Variants in TF observed in about 807,000 individuals in gnomAD.
The protein encoded by TF is transferrin, also known as serotransferrin.
In TF, 55 loss-of-function variants were observed where a neutral mutation model predicts 82.4. The observed-to-expected ratio is 0.67, with a 90% CI of 0.54 to 0.84. The LOEUF is 0.84. TF is among the 40% of genes least tolerant of loss of function. The pLI is 0.00. For synonymous variants in TF, 332 were observed against 332.6 expected (o/e 1.00, Z 0.02); for missense variants, 737 against 868.4 (o/e 0.85, Z 1.90).
At chr3:133,682,166 A>G in the TF span, among the ~76,000 whole-genome samples, 90 of 152,300 alleles carry the variant, frequency 5.9e-4, no homozygotes, top group Non-Finnish European at 1.6e-4. Flanking sequence ...AAATTACCAA[A>G]CAGAAAAGAC....
At chr3:133,745,525 A>AT (rs1490911443), upstream of TF, among the ~76,000 whole-genome samples, 2 of 152,168 alleles carry the variant, frequency 1.3e-5, no homozygotes, top group Non-Finnish European at 2.9e-5. Context: ...CAAGTTCAAT[A>AT]TTTTTCATGA....
At chr3:133,730,740 C>T in the TF span, among the ~76,000 whole-genome samples, 5 of 150,660 alleles carry the variant, frequency 3.3e-5, no homozygotes, top group Admixed American at 2.0e-4. Flanking sequence ...TAGTAACACA[C>T]ACACAAGCAT....
At chr3:133,705,975 G>A in the TF span, among the ~76,000 whole-genome samples, 2 of 152,176 alleles carry the variant, frequency 1.3e-5, no homozygotes, top group African/African-American at 4.8e-5. Flanking sequence ...CACTATTCCT[G>A]TTCCCTCTTC....
At chr3:133,710,458 G>T in the TF span, among the ~76,000 whole-genome samples, 7 of 152,062 alleles carry the variant, frequency 4.6e-5, no homozygotes, top group Non-Finnish European at 1.0e-4. Flanking sequence ...CACATTTCCC[G>T]GTGATTCTCC....
In TF at chr3:133,784,837, C is replaced by A. The variant is rs910182384; in HGVS notation, c.*6217C>A. 4 of 152,332 alleles carry A rather than the reference C, an allele frequency of 2.6e-5. No individual in the cohort carries two copies. Among genetic ancestry groups the A allele is most frequent in the African/African-American group, 9.6e-5 (4 of 41,460 alleles). The allele number at this position is 152,332 out of a possible 1,614,324, so 9.4% of individuals were successfully genotyped here. ...GAAGGAAGAGAGGACAGTTCTGTGC[C>A]ACACTGGTCATATTTAGAAGACATT... is the stretch of plus-strand genomic sequence containing the variant. On this transcript the variant is annotated 3_prime_UTR_variant, in exon 17 of 17. Coordinates refer to ENST00000402696, the MANE Select transcript of TF (RefSeq NM_001063.4).
At chr3:133,728,313 G>T in the TF span, among the ~76,000 whole-genome samples, 2 of 152,096 alleles carry the variant, frequency 1.3e-5, no homozygotes, top group Non-Finnish European at 2.9e-5. Flanking sequence ...GATTTGGTCT[G>T]TTCACATAGT....
the TF span, among the ~76,000 whole-genome samples, chr3:133,730,508 C>G: frequency 6.6e-6 from 1 of 152,168 alleles, no homozygotes; most frequent in African/African-American, 2.4e-5. Context: ...ACCTTGCAGT[C>G]CTAAGTGGCA....
intron 10 of TF, among the ~76,000 whole-genome samples, 176 bp from the exon 11 acceptor site, chr3:133,764,699 A>G (rs1934081477): frequency 6.6e-6 from 1 of 152,224 alleles, no homozygotes; most frequent in Admixed American, 6.5e-5. Context: ...TCTAGAGGCC[A>G]GGAGGTGAAA....
At chr3:133,748,371 A>C (rs1933564554) in intron 1 of TF, 41 bp from the exon 2 acceptor site, 1 of 1,612,060 alleles carries the variant, frequency 6.2e-7, no homozygotes, top group East Asian at 2.2e-5. Flanking sequence ...CTCCCTCAGC[A>C]TAGGGAGTGG....
the TF span, among the ~76,000 whole-genome samples, chr3:133,738,697 T>C: frequency 6.6e-6 from 1 of 152,106 alleles, no homozygotes; most frequent in South Asian, 2.1e-4. Flanking sequence ...AAATCATGAG[T>C]GGACTCCCAT....
chr3:133,746,554 G>A, intron 1 of TF, 71 bp downstream of exon 1: 3 of 1,513,286 alleles, frequency 2.0e-6, no homozygotes, highest in Non-Finnish European at 2.7e-6. Context: ...GGCGGCCACC[G>A]CGCAGCCTGC....
the TF span, among the ~76,000 whole-genome samples, chr3:133,722,995 C>T: frequency 3.1e-3 from 468 of 152,212 alleles, 1 homozygote; most frequent in African/African-American, 0.011. Context: ...TTTTGCTTGT[C>T]TGTGAAGGAC....
chr3:133,746,576 G>A, intron 1 of TF, 93 bp downstream of exon 1: 2 of 1,409,086 alleles, frequency 1.4e-6, no homozygotes, highest in African/African-American at 1.4e-5. Flanking sequence ...TGCACTCCGC[G>A]CTCAGGCTGG....
rs1934560558 is a variant in TF, at chr3:133,783,205, G to A, written c.*4585G>A. On this transcript the variant is annotated 3_prime_UTR_variant, in exon 17 of 17. Coordinates refer to ENST00000402696, the MANE Select transcript of TF (RefSeq NM_001063.4). ...GTATACCTTAAATATATTCAACGAA[G>A]CTTATTTTAAAAAATGAAATGTATA... 6.6e-6 allele frequency: 1 copy of A among 152,254 alleles called. No homozygotes were observed. Among genetic ancestry groups the A allele is most frequent in the Middle Eastern group, 3.4e-3 (1 of 294 alleles). 9.4% of individuals were successfully genotyped at this position (152,254 alleles called of 1,614,324 possible). A position where few individuals can be genotyped will look rare whatever the true frequency, so the allele number is the denominator to read the frequency against.
rs1401764725 is a variant in TF at position 133,796,234 on chromosome 3, G to C, written c.*17614G>C. The C allele has an allele frequency of 6.5e-6, 1 of 152,986 alleles. No individual in the cohort carries two copies. Among genetic ancestry groups the C allele is most frequent in the Non-Finnish European group, 1.5e-5 (1 of 68,066 alleles). The allele number at this position is 152,986 out of a possible 1,614,324, so 9.5% of individuals were successfully genotyped here. On this transcript the variant is annotated 3_prime_UTR_variant, in exon 17 of 17. Coordinates refer to ENST00000402696, the MANE Select transcript of TF (RefSeq NM_001063.4). ...GGAGCTACCCTGCCTTCACTAGAAAGAGCAGAGCAGGACTTCTGTGATCCT... is the reference window on the plus strand; with the variant it reads ...GGAGCTACCCTGCCTTCACTAGAAACAGCAGAGCAGGACTTCTGTGATCCT...
At chr3:133,733,641 T>A in the TF span, among the ~76,000 whole-genome samples, 1,849 of 152,316 alleles carry the variant, frequency 0.012, 31 homozygotes, top group South Asian at 0.043. Context: ...CAGCTCCTGG[T>A]CTGTCCCAGT....
At chr3:133,746,614 T>C in intron 1 of TF, 131 bp downstream of exon 1, 3 of 1,042,610 alleles carry the variant, frequency 2.9e-6, no homozygotes, top group Non-Finnish European at 4.3e-6. Flanking sequence ...TGCCTTTCCA[T>C]TGCCTCTCTA....
the TF span, among the ~76,000 whole-genome samples, chr3:133,680,291 G>A: frequency 2.7e-5 from 4 of 150,766 alleles, no homozygotes; most frequent in Non-Finnish European, 5.9e-5. Flanking sequence ...CTGCAGTCTC[G>A]ACCTCCTGGA....
At chr3:133,771,593 C>T (rs1023383486) in intron 14 of TF, among the ~76,000 whole-genome samples, 5 of 151,442 alleles carry the variant, frequency 3.3e-5, no homozygotes, top group East Asian at 1.9e-4. Flanking sequence ...AAAAATTAGC[C>T]GGGCGCGGTG....
Sources: gnomAD v4.1 joint callset for allele counts (sites outside exome capture counted in the v4.1 genomes callset) on GRCh38, gnomAD v4.1.1 for gene constraint, MANE v1.5 for transcripts, NCBI Gene and HGNC (gene_info 2026-07-23, HGNC 2026-07-21) for gene names.